Variants in BBS2 observed in about 807,000 individuals in gnomAD.
BBS2 encodes the protein BBSome complex member BBS2.
A neutral mutation model predicts 83.0 loss-of-function variants in BBS2; 62 were observed. That is an observed-to-expected ratio of 0.75 (90% confidence interval 0.61 to 0.92). The LOEUF (loss-of-function observed/expected upper bound fraction) is 0.92. BBS2 is among the 40% of genes least tolerant of loss of function. The pLI is 0.00. For missense variants in BBS2, 784 were observed against 901.0 expected, an observed-to-expected ratio of 0.87 and a Z score of 1.66; for synonymous variants, 303 against 326.1, an observed-to-expected ratio of 0.93 and a Z score of 0.76.
intron 5 of BBS2, among the ~76,000 whole-genome samples, chr16:56,506,844 T>C (rs982610554): frequency 1.3e-5 from 2 of 152,200 alleles, no homozygotes; most frequent in African/African-American, 2.4e-5. Context: ...GTTCAAGGAT[T>C]TGACATCCTT....
At chr16:56,475,591 T>C (rs1185229859) in intron 17 of BBS2, 2 of 1,603,096 alleles carry the variant, frequency 1.2e-6, no homozygotes, top group East Asian at 2.2e-5. Context: ...TAGCAAACTA[T>C]CATTTTTAGT....
At chr16:56,503,658 G>A (rs1039216838) in intron 7 of BBS2, among the ~76,000 whole-genome samples, 2 of 152,196 alleles carry the variant, frequency 1.3e-5, no homozygotes, top group Non-Finnish European at 2.9e-5. Context: ...AGTGGCTCAC[G>A]CCTGTAATGC....
chr16:56,479,754 C>T (rs1963615209), downstream of BBS2, among the ~76,000 whole-genome samples: 1 of 152,238 alleles, frequency 6.6e-6, no homozygotes, highest in Non-Finnish European at 1.5e-5. Flanking sequence ...CTGGTGTGAA[C>T]CACACCTGTG....
At chr16:56,491,020 C>CA (rs1261955250) in intron 15 of BBS2, among the ~76,000 whole-genome samples, 2 of 152,160 alleles carry the variant, frequency 1.3e-5, no homozygotes, top group African/African-American at 4.8e-5. Context: ...CTCAGCCTCC[C>CA]AAAGTGCTGG....
At chr16:56,518,352 C>T (rs1019128859) in intron 1 of BBS2, among the ~76,000 whole-genome samples, 3 of 152,176 alleles carry the variant, frequency 2.0e-5, no homozygotes, top group Non-Finnish European at 4.4e-5. Context: ...GACCACATTC[C>T]ACACTTTCTA....
intron 1 of BBS2, among the ~76,000 whole-genome samples, chr16:56,515,414 CG>C (rs1347168073): frequency 6.6e-6 from 1 of 152,154 alleles, no homozygotes; most frequent in Non-Finnish European, 1.5e-5. Flanking sequence ...GATGGGGAAT[CG>C]TGTAGCCCTT....
At chr16:56,482,474 T>C (rs946471815), downstream of BBS2, among the ~76,000 whole-genome samples, 3 of 152,180 alleles carry the variant, frequency 2.0e-5, no homozygotes, top group African/African-American at 7.2e-5. Flanking sequence ...TTTACGATGA[T>C]ACTTTACTAC....
At chr16:56,499,013 A>G (rs1269683630) in intron 12 of BBS2, 8 of 285,892 alleles carry the variant, frequency 2.8e-5, no homozygotes, top group African/African-American at 1.6e-4. Flanking sequence ...TACATGGGCA[A>G]ACACCACAGA....
Position 56,501,395 on chromosome 16 carries a change from T to A in BBS2, c.1183A>T (p.Thr395Ser). 1 of 1,614,040 alleles carries A rather than the reference T, an allele frequency of 6.2e-7. No homozygotes were observed. The change falls in exon 10 of 17, where the codon ACC (threonine) becomes TCC (serine). Residue 395 changes from threonine (T) to serine (S), a missense_variant. Coordinates refer to ENST00000245157, the MANE Select transcript of BBS2 (RefSeq NM_031885.5). ...CGTAATTCTGTATGAGCAGTTTGGG[T>A]CTCATTCCCCAGGCTGACTGAGAGC... ...TTLSVSLGNE[T>S]QTAHTELRIS...
chr16:56,471,337 G>A (rs1216487712), intron 17 of BBS2, among the ~76,000 whole-genome samples: 1 of 151,202 alleles, frequency 6.6e-6, no homozygotes, highest in Non-Finnish European at 1.5e-5. Flanking sequence ...ACTCCAGCCT[G>A]GGCAACAGAG....
Position 56,484,398 on chromosome 16 carries a change from C to T in BBS2, c.*363G>A, listed in dbSNP as rs576529782. 1.8e-4 allele frequency: 34 copies of T among 192,762 alleles called. No individual in the cohort carries two copies. The South Asian group carries it at 3.1e-3, about 18-fold the overall frequency. The allele number at this position is 192,762 out of a possible 1,614,324, so 11.9% of individuals were successfully genotyped here. A position where few individuals can be genotyped will look rare whatever the true frequency, so the allele number is the denominator to read the frequency against. ...ATCAACACAAAGTTTAACATCTTTA[C>T]ATTTTAATGAAAAAGTAGATAATCT... On this transcript the variant is annotated 3_prime_UTR_variant, in exon 17 of 17. Transcript: ENST00000245157.
At chr16:56,475,605 T>G in intron 17 of BBS2, 1 of 1,576,962 alleles carries the variant, frequency 6.3e-7, no homozygotes, top group Non-Finnish European at 8.7e-7. Context: ...TTTTAGTTAT[T>G]GAGAATGCTT....
intron 15 of BBS2, among the ~76,000 whole-genome samples, chr16:56,495,801 T>G (rs964478988): frequency 1.3e-5 from 2 of 148,334 alleles, no homozygotes; most frequent in African/African-American, 4.9e-5. Context: ...TATATATATG[T>G]ATATATATAT....
rs775577429 is a variant in BBS2, at chr16:56,514,655, C to T, written c.143G>A (p.Arg48Gln). The change falls in exon 2 of 17, where the codon CGG becomes CAG. Residue 48 changes from arginine to glutamine, a missense_variant. Physicochemically the swap from Arg to Gln is conservative, Grantham distance 43. Transcript: ENST00000245157. ...GKVFIHNPHT[R>Q]NQHVSASRVF... The stretch of plus-strand genomic sequence containing the variant: ...CCTGGATGCACTGACATGCTGGTTC[C>T]GTGTATGAGGATTATGAATAAAAAC... 5.0e-6 allele frequency: 8 copies of T among 1,613,790 alleles called. No individual in the cohort carries two copies. Among genetic ancestry groups the T allele is most frequent in the Admixed American group, 1.7e-5 (1 of 60,002 alleles).
At chr16:56,490,430 G>GGCAGATCA (rs1963919122) in intron 15 of BBS2, among the ~76,000 whole-genome samples, 1 of 151,996 alleles carries the variant, frequency 6.6e-6, no homozygotes, top group Non-Finnish European at 1.5e-5. Flanking sequence ...GGCCAAGGCG[G>GGCAGATCA]GCAGATCACC....
intron 4 of BBS2, 75 bp from the exon 5 acceptor site, chr16:56,510,109 T>C: frequency 4.5e-6 from 6 of 1,345,892 alleles, no homozygotes; most frequent in East Asian, 2.3e-5. Flanking sequence ...AACAAAAAAT[T>C]GCACAGTACT....
At chr16:56,519,454 C>G (rs1053734384) in intron 1 of BBS2, 4 of 408,062 alleles carry the variant, frequency 9.8e-6, no homozygotes, top group Admixed American at 3.8e-5. Flanking sequence ...TAACCCGAAC[C>G]AAACCCCTTC....
intron 17 of BBS2, chr16:56,475,487 G>C (rs767725493): frequency 6.2e-7 from 1 of 1,612,642 alleles, no homozygotes; most frequent in South Asian, 1.1e-5. Flanking sequence ...TCTGAATGCT[G>C]TTTGTTTTTC....
chr16:56,510,833 A>C, intron 4 of BBS2, 26 bp downstream of exon 4: 2 of 1,612,268 alleles, frequency 1.2e-6, no homozygotes, highest in African/African-American at 2.7e-5. Context: ...TGAACACACA[A>C]GAGAGATATC....
Sources: allele counts gnomAD v4.1 joint callset (sites outside exome capture counted in the v4.1 genomes callset), GRCh38; gene constraint gnomAD v4.1.1; transcripts MANE v1.5; gene names NCBI Gene and HGNC (gene_info 2026-07-23, HGNC 2026-07-21).